The following DISP1 variants were observed in gnomAD, a reference collection of about 807,000 sequenced individuals.
DISP1 encodes the protein dispatched RND transporter family member 1.
Under a neutral mutation model 37.3 loss-of-function variants are expected in DISP1, and 30 were observed. That is an observed-to-expected ratio of 0.80 (90% CI 0.60 to 1.09). The LOEUF is 1.09. DISP1 is among the 50% of genes least tolerant of loss of function. The pLI is 0.00. For synonymous variants in DISP1, 634 were observed against 690.2 expected (o/e 0.92, Z 1.28); for missense variants, 1,598 against 1,879.5 (o/e 0.85, Z 2.77).
At chr1:222,994,300 C>T (rs1196887337) in intron 7 of DISP1, among the ~76,000 whole-genome samples, 1 of 152,120 alleles carries the variant, frequency 6.6e-6, no homozygotes, top group African/African-American at 2.4e-5. Context: ...ATCATACAAC[C>T]TCCCTTATTC....
intron 1 of DISP1, among the ~76,000 whole-genome samples, chr1:222,841,705 C>T (rs947129614): frequency 4.6e-5 from 7 of 152,014 alleles, no homozygotes; most frequent in Non-Finnish European, 1.0e-4. Flanking sequence ...AATGAGTATA[C>T]TGTTTTATTT....
At chr1:222,903,778 C>G (rs556163117) in intron 1 of DISP1, among the ~76,000 whole-genome samples, 15 of 152,086 alleles carry the variant, frequency 9.9e-5, no homozygotes, top group Non-Finnish European at 2.1e-4. Context: ...CCAAAGATTA[C>G]TAGTCTAAAT....
At chr1:222,979,285 C>T (rs946506) in intron 3 of DISP1, among the ~76,000 whole-genome samples, 91,288 of 151,926 alleles carry the variant, frequency 0.6, 28,881 homozygotes, top group East Asian at 0.74. Flanking sequence ...TCATGGCGCA[C>T]GCCTGTGGTC....
chr1:222,905,116 A>T (rs1572474742), intron 1 of DISP1, among the ~76,000 whole-genome samples: 1 of 152,228 alleles, frequency 6.6e-6, no homozygotes, highest in Non-Finnish European at 1.5e-5. Context: ...AAGTTGGAGC[A>T]TAAAAACTCT....
intron 1 of DISP1, among the ~76,000 whole-genome samples, chr1:222,894,478 C>T (rs1224883125): frequency 6.6e-6 from 1 of 152,242 alleles, no homozygotes; most frequent in East Asian, 1.9e-4. Flanking sequence ...TGCACACACC[C>T]GCCCGGGTTG....
At position 222,886,676 on chromosome 1, in the gene DISP1, T is replaced by C. The variant is rs76507942; in HGVS notation, c.-158-41754T>C. Among the ~76,000 whole-genome samples, 705 of 152,304 alleles carry C rather than the reference T, an allele frequency of 4.6e-3. 3 individuals carry two copies. Among genetic ancestry groups the C allele is most frequent in the Non-Finnish European group, 8.2e-3 (559 of 68,020 alleles). ...ATCGTACTTTGATGTCAGAACTGTT[T>C]TGAGAGACCATTTATGTTGTGTTTC... On this transcript the variant is annotated intron_variant, in intron 1 of 8. Coordinates refer to ENST00000675850, the MANE Select transcript of DISP1 (RefSeq NM_001377229.1).
At chr1:222,832,942 A>G (rs1222119798) in intron 1 of DISP1, among the ~76,000 whole-genome samples, 1 of 152,110 alleles carries the variant, frequency 6.6e-6, no homozygotes, top group African/African-American at 2.4e-5. Context: ...TAGATTACAC[A>G]TGTTAAATTT....
At chr1:222,958,359 A>G (rs1014947858) in intron 3 of DISP1, among the ~76,000 whole-genome samples, 1 of 152,226 alleles carries the variant, frequency 6.6e-6, no homozygotes, top group Non-Finnish European at 1.5e-5. Context: ...AGTAGACAAA[A>G]GTAAAAGACA....
In DISP1 at chr1:222,870,543, A is replaced by G. The variant is rs1036725856; in HGVS notation, c.-159+55465A>G. ...ATTTACATTTCTCTCATGGCCAGTG[A>G]TGATGAGCATTTTTTCATGTGTTTT... On this transcript the variant is annotated intron_variant, in intron 1 of 8. Coordinates refer to ENST00000675850, the MANE Select transcript of DISP1 (RefSeq NM_001377229.1). Among the ~76,000 whole-genome samples the G allele has an allele frequency of 1.1e-4, 17 of 152,324 alleles. No homozygotes were observed. In the South Asian group the frequency reaches 2.7e-3, roughly 24 times the overall value.
At chr1:222,886,031 G>C (rs1195916784) in intron 1 of DISP1, among the ~76,000 whole-genome samples, 1 of 151,766 alleles carries the variant, frequency 6.6e-6, no homozygotes, top group African/African-American at 2.4e-5. Flanking sequence ...CAACTTGGAA[G>C]GAGATGTATA....
At chr1:222,821,468 T>A (rs1171768089) in intron 1 of DISP1, among the ~76,000 whole-genome samples, 1 of 152,202 alleles carries the variant, frequency 6.6e-6, no homozygotes, top group Non-Finnish European at 1.5e-5. Flanking sequence ...TCTCGAATTG[T>A]AATCCCCATG....
At chr1:222,948,184 C>T (rs971133454) in intron 3 of DISP1, among the ~76,000 whole-genome samples, 1 of 152,154 alleles carries the variant, frequency 6.6e-6, no homozygotes, top group Admixed American at 6.5e-5. Context: ...AGTGTGATGT[C>T]CCTTGAGCTT....
At chr1:222,978,720 A>G (rs369404860) in intron 3 of DISP1, among the ~76,000 whole-genome samples, 10 of 151,992 alleles carry the variant, frequency 6.6e-5, no homozygotes, top group African/African-American at 2.2e-4. Context: ...AAGGGATCCA[A>G]TTTCAGCTTT....
intron 1 of DISP1, among the ~76,000 whole-genome samples, chr1:222,878,457 AG>A (rs1670094288): frequency 1.3e-5 from 2 of 152,256 alleles, no homozygotes; most frequent in Admixed American, 6.5e-5. Context: ...GAATCTATTT[AG>A]AATACTATTA....
intron 3 of DISP1, among the ~76,000 whole-genome samples, chr1:222,964,856 A>C (rs1469825569): frequency 2.0e-5 from 3 of 152,212 alleles, no homozygotes; most frequent in African/African-American, 7.2e-5. Context: ...TGTCATCTTC[A>C]GGAATTTTGA....
At chr1:222,889,838 A>G (rs745495369) in intron 1 of DISP1, among the ~76,000 whole-genome samples, 2 of 152,158 alleles carry the variant, frequency 1.3e-5, no homozygotes, top group Non-Finnish European at 2.9e-5. Flanking sequence ...TAACCAAGGA[A>G]GTAGTGAAGT....
intron 3 of DISP1, among the ~76,000 whole-genome samples, chr1:222,982,825 G>C (rs1045318370): frequency 2.0e-5 from 3 of 152,278 alleles, no homozygotes; most frequent in African/African-American, 7.2e-5. Flanking sequence ...TCCATCAGGA[G>C]AGGGTGATAC....
intron 1 of DISP1, among the ~76,000 whole-genome samples, chr1:222,885,413 C>T (rs367598051): frequency 8.6e-4 from 130 of 151,450 alleles, no homozygotes; most frequent in African/African-American, 3.1e-3. Flanking sequence ...ATTCCAGGCT[C>T]ATCTTATATT....
chr1:222,992,103 C>T lies in DISP1; in HGVS notation c.882C>T (p.Asp294=), dbSNP rs184410712. Residue 294 remains aspartate (D), a synonymous_variant, in exon 7 of 9, where the codon GAC becomes GAT. Coordinates refer to ENST00000675850, the MANE Select transcript of DISP1 (RefSeq NM_001377229.1). ...WNFHKDSFFC[D]VPSDRYSRVV... ...TCCACAAGGACAGCTTTTTCTGCGA[C>T]GTTCCAAGTGAGTGACATTGTAGAT... The T allele has an allele frequency of 3.8e-5, 61 of 1,612,472 alleles. No individual in the cohort carries two copies. The East Asian group carries it at 9.4e-4, about 25-fold the overall frequency.
Sources: allele counts gnomAD v4.1 joint callset (sites outside exome capture counted in the v4.1 genomes callset), GRCh38; gene constraint gnomAD v4.1.1; transcripts MANE v1.5; gene names NCBI Gene and HGNC (gene_info 2026-07-23, HGNC 2026-07-21).